The following RNASEH2B variants were observed in gnomAD, a reference collection of about 807,000 sequenced individuals.
RNASEH2B encodes ribonuclease H2 subunit B, also known as Aicardi-Goutieres syndrome 2 protein.
RNASEH2B carries 36 observed loss-of-function variants against 45.0 expected under a neutral mutation model. The observed-to-expected ratio is 0.80, with a 90% CI of 0.61 to 1.06. The LOEUF is 1.06. RNASEH2B is among the 50% of genes least tolerant of loss of function. The pLI is 0.00. For synonymous variants in RNASEH2B, 119 were observed against 125.7 expected (o/e 0.95, Z 0.35); for missense variants, 361 against 360.3 (o/e 1.00, Z -0.02).
chr13:50,959,873 C>T (rs1337738729), downstream of RNASEH2B: 3 of 245,838 alleles, frequency 1.2e-5, no homozygotes, highest in Non-Finnish European at 2.3e-5. Context: ...TTCATTTAAT[C>T]TGTAGGATTA....
chr13:50,916,093 A>G (rs1019416410), intron 1 of RNASEH2B, among the ~76,000 whole-genome samples: 13 of 151,904 alleles, frequency 8.6e-5, no homozygotes, highest in Non-Finnish European at 1.6e-4. Context: ...TAATATGGGG[A>G]AAAAAATAAA....
At chr13:50,960,315 T>C, downstream of RNASEH2B, 1 of 348,284 alleles carries the variant, frequency 2.9e-6, no homozygotes, top group East Asian at 4.1e-5. Flanking sequence ...CATGCAATTC[T>C]TTCTAATAGT....
rs1879238403 is a variant in RNASEH2B, at chr13:50,909,950, C to A, written c.-127C>A. On this transcript the variant is annotated 5_prime_UTR_variant, in exon 1 of 11. Coordinates refer to ENST00000336617, the MANE Select transcript of RNASEH2B (RefSeq NM_024570.4). Reference sequence around the variant, plus strand: ...GAAATTCGGTCCCTGGGCCTCCTCCCGGGCGCTGCCGGTCCCTCAGCGCGC... The same window carrying A: ...GAAATTCGGTCCCTGGGCCTCCTCCAGGGCGCTGCCGGTCCCTCAGCGCGC... 1.4e-6 allele frequency: 1 copy of A among 700,448 alleles called. No homozygotes were observed. 43.4% of individuals were successfully genotyped at this position (700,448 alleles called of 1,614,324 possible).
At chr13:50,942,524 T>A (rs1447394429) in intron 5 of RNASEH2B, 1 of 152,180 alleles carries the variant, frequency 6.6e-6, no homozygotes, top group African/African-American at 2.4e-5. Context: ...TCGTTTCAAT[T>A]TTCTTTATTG....
At chr13:50,929,436 G>A (rs749531762) in intron 2 of RNASEH2B, 39 bp from the exon 3 acceptor site, 1 of 1,289,000 alleles carries the variant, frequency 7.8e-7, no homozygotes, top group African/African-American at 1.5e-5. Flanking sequence ...GTGTGTGTGT[G>A]TGAAAACTTA....
chr13:50,968,528 T>C (rs1371615803), intron 9 of RNASEH2B, among the ~76,000 whole-genome samples: 1 of 152,232 alleles, frequency 6.6e-6, no homozygotes, highest in African/African-American at 2.4e-5. Flanking sequence ...CAAGCCCAGA[T>C]GCCAAGCCTA....
intron 9 of RNASEH2B, among the ~76,000 whole-genome samples, chr13:50,969,707 C>T (rs369491834): frequency 6.6e-5 from 10 of 152,104 alleles, no homozygotes; most frequent in African/African-American, 2.2e-4. Context: ...GGTGTGCTCT[C>T]GAGGAGCCTG....
At chr13:50,962,062 C>G (rs1269520108) in intron 9 of RNASEH2B, among the ~76,000 whole-genome samples, 2 of 152,056 alleles carry the variant, frequency 1.3e-5, no homozygotes, top group African/African-American at 4.8e-5. Flanking sequence ...TACTTGGTCA[C>G]AGTATATTAT....
chr13:50,945,384 A>T, intron 6 of RNASEH2B, 43 bp from the exon 7 acceptor site: 1 of 1,360,470 alleles, frequency 7.4e-7, no homozygotes, highest in Non-Finnish European at 1.1e-6. Flanking sequence ...TTCTAAAGTT[A>T]AGTTGAAAAT....
At chr13:50,960,785 G>C (rs756619071), downstream of RNASEH2B, among the ~76,000 whole-genome samples, 1 of 152,186 alleles carries the variant, frequency 6.6e-6, no homozygotes, top group Non-Finnish European at 1.5e-5. Context: ...TTTAGCGTTA[G>C]AATTAGGCTA....
rs950747194 is a variant in RNASEH2B at position 50,956,363 on chromosome 13, T to C, written c.828T>C (p.Asn276=). The C allele has an allele frequency of 3.8e-6, 6 of 1,596,028 alleles. No individual in the cohort carries two copies. The African/African-American group carries it at 6.7e-5, about 18-fold the overall frequency. Residue 276 remains asparagine, a synonymous_variant, in exon 11 of 11, where the codon AAT becomes AAC. Transcript: ENST00000336617. ...TCTCTTATTTTCATTAACAGAAAAA[T>C]AGCAAAATGACTGCAGCTCAGAAGG... ...NTKDLKTEKK[N]SKMTAAQKAL...
Position 50,909,976 on chromosome 13 carries a change from C to A in RNASEH2B, c.-101C>A. 9.4e-7 allele frequency: 1 copy of A among 1,067,282 alleles called. No homozygotes were observed. Among genetic ancestry groups the A allele is most frequent in the Admixed American group, 3.3e-5 (1 of 30,610 alleles). 66.1% of individuals were successfully genotyped at this position (1,067,282 alleles called of 1,614,324 possible). A position where few individuals can be genotyped will look rare whatever the true frequency, so the allele number is the denominator to read the frequency against. Reference sequence around the variant, plus strand: ...GGGCGCTGCCGGTCCCTCAGCGCGCCGCGCCACCCGGAACAGACCCTTCTC... The same window carrying A: ...GGGCGCTGCCGGTCCCTCAGCGCGCAGCGCCACCCGGAACAGACCCTTCTC... On this transcript the variant is annotated 5_prime_UTR_variant, in exon 1 of 11. Transcript: ENST00000336617.
intron 2 of RNASEH2B, chr13:50,928,419 A>C (rs913272605): frequency 6.6e-6 from 1 of 152,254 alleles, no homozygotes; most frequent in African/African-American, 2.4e-5. Context: ...AATCTTAGTT[A>C]TATATCAGAC....
rs1951543099 is a variant in RNASEH2B, at chr13:50,922,847, G to A, written c.65-4560G>A. Among the ~76,000 whole-genome samples, 5 of 152,154 alleles carry A rather than the reference G, an allele frequency of 3.3e-5. No homozygotes were observed. The South Asian group carries it at 1.0e-3, about 32-fold the overall frequency. On this transcript the variant is annotated intron_variant, in intron 1 of 10. Coordinates refer to ENST00000336617, the MANE Select transcript of RNASEH2B (RefSeq NM_024570.4). ...GTCAATAGAAACTGTCTCTGAAGGG[G>A]CTGAGATGTTGGATTTATTCTACAA...
rs537203779 is a variant in RNASEH2B at position 50,929,508 on chromosome 13, T to C, written c.170T>C (p.Leu57Pro). The C allele has an allele frequency of 4.3e-6, 7 of 1,613,882 alleles. No homozygotes were observed. In the African/African-American group the frequency reaches 9.3e-5, roughly 22 times the overall value. Reference sequence around the variant, plus strand: ...GCCATTTACTTGTTCAATATGTGTCTACAGCAGCTGTTTGAAGTAAAAGTT... The same window carrying C: ...GCCATTTACTTGTTCAATATGTGTCCACAGCAGCTGTTTGAAGTAAAAGTT... ...EGAIYLFNMC[L>P]QQLFEVKVFK... Residue 57 changes from leucine (L) to proline (P), a missense_variant, in exon 3 of 11, where the codon CTA becomes CCA. Coordinates refer to ENST00000336617, the MANE Select transcript of RNASEH2B (RefSeq NM_024570.4).
At chr13:50,966,974 G>C (rs572619450) in intron 9 of RNASEH2B, among the ~76,000 whole-genome samples, 25 of 152,288 alleles carry the variant, frequency 1.6e-4, no homozygotes, top group African/African-American at 6.0e-4. Flanking sequence ...ATACAACATG[G>C]CAGGATTGTT....
rs150306700 is a variant in RNASEH2B at position 50,936,867 on chromosome 13, C to T, written c.436+1868C>T. 7 of 152,282 alleles carry T rather than the reference C, an allele frequency of 4.6e-5. No homozygotes were observed. The East Asian group carries it at 7.7e-4, about 17-fold the overall frequency. 9.4% of individuals were successfully genotyped at this position (152,282 alleles called of 1,614,324 possible). A position where few individuals can be genotyped will look rare whatever the true frequency, so the allele number is the denominator to read the frequency against. On this transcript the variant is annotated intron_variant, in intron 5 of 10. Transcript: ENST00000336617. ...GTGTCATCCCTTCCCTCTTGTACAC[C>T]GAACTCCTGACCATTTATTGCATCA...
chr13:50,946,326 C>T (rs1233313661), intron 7 of RNASEH2B, among the ~76,000 whole-genome samples: 1 of 152,146 alleles, frequency 6.6e-6, no homozygotes, highest in Non-Finnish European at 1.5e-5. Flanking sequence ...TGGCTTTAGT[C>T]ATTACATAAA....
chr13:50,953,594 C>T, intron 9 of RNASEH2B: 1 of 404,034 alleles, frequency 2.5e-6, no homozygotes, highest in Non-Finnish European at 4.5e-6. Context: ...TGGTAATTAG[C>T]AATCCCCTCA....
Sources: gnomAD v4.1 joint callset for allele counts (sites outside exome capture counted in the v4.1 genomes callset) on GRCh38, gnomAD v4.1.1 for gene constraint, MANE v1.5 for transcripts, NCBI Gene and HGNC (gene_info 2026-07-23, HGNC 2026-07-21) for gene names.